Variants in LRRC38 observed in about 807,000 individuals in gnomAD.
LRRC38 encodes the protein leucine rich repeat containing 38.
Under a neutral mutation model 16.4 loss-of-function variants are expected in LRRC38, and 5 were observed. The ratio of observed to expected loss-of-function variants is 0.31; its 90% confidence interval spans 0.16 to 0.64. The LOEUF (loss-of-function observed/expected upper bound fraction) is 0.64, where lower values mean the gene tolerates loss of function less well. LRRC38 is among the 30% of genes least tolerant of loss of function. The pLI, the probability that LRRC38 is intolerant of heterozygous loss-of-function variation, is 0.80. For synonymous variants in LRRC38, 191 were observed against 190.2 expected (o/e 1.00, Z -0.04); for missense variants, 341 against 401.8 (o/e 0.85, Z 1.29).
In LRRC38 at chr1:13,486,253, G is replaced by A. The variant is rs59969114; in HGVS notation, c.632-10154C>T. Among the ~76,000 whole-genome samples the A allele has an allele frequency of 2.8e-3, 431 of 152,180 alleles. 2 individuals carry two copies. The highest frequency in any genetic ancestry group is 9.9e-3 in the African/African-American group (411 of 41,512). On this transcript the variant is annotated intron_variant, in intron 1 of 1. Transcript: ENST00000376085. ...CATACGGCCTCTGCTCTGTGTCTCC[G>A]TCTTGCAAGTCTCCCTCTGCCCTTC...
At chr1:13,500,186 C>G (rs1337788103) in intron 1 of LRRC38, among the ~76,000 whole-genome samples, 1 of 150,042 alleles carries the variant, frequency 6.7e-6, no homozygotes, top group African/African-American at 2.5e-5. Flanking sequence ...ACCCGGGAGG[C>G]AGAGATTGCA....
At chr1:13,506,803 C>T (rs1379813147) in intron 1 of LRRC38, among the ~76,000 whole-genome samples, 3 of 152,204 alleles carry the variant, frequency 2.0e-5, no homozygotes, top group Admixed American at 6.5e-5. Flanking sequence ...GCTGATAAGG[C>T]CGGCCAAGCA....
At chr1:13,503,628 A>T (rs1435375197) in intron 1 of LRRC38, among the ~76,000 whole-genome samples, 2 of 152,130 alleles carry the variant, frequency 1.3e-5, no homozygotes, top group African/African-American at 4.8e-5. Flanking sequence ...GCTTCTGCTA[A>T]CCTCACCCAG....
At chr1:13,488,275 T>A (rs556624677) in intron 1 of LRRC38, among the ~76,000 whole-genome samples, 1 of 151,876 alleles carries the variant, frequency 6.6e-6, no homozygotes, top group Non-Finnish European at 1.5e-5. Flanking sequence ...ACTTTTTTTT[T>A]TTTTTTTGTC....
At chr1:13,485,191 C>T (rs889638054) in intron 1 of LRRC38, among the ~76,000 whole-genome samples, 14 of 149,910 alleles carry the variant, frequency 9.3e-5, no homozygotes, top group Admixed American at 4.7e-4. Context: ...GCAGGAGAAT[C>T]GCTTGAACCC....
chr1:13,513,595 G>T lies in LRRC38; in HGVS notation c.-2C>A. 6 of 1,130,270 alleles carry T rather than the reference G, an allele frequency of 5.3e-6. No individual in the cohort carries two copies. Among genetic ancestry groups the T allele is most frequent in the Non-Finnish European group, 6.5e-6 (6 of 924,032 alleles). 70.0% of individuals were successfully genotyped at this position (1,130,270 alleles called of 1,614,324 possible). A position where few individuals can be genotyped will look rare whatever the true frequency, so the allele number is the denominator to read the frequency against. On this transcript the variant is annotated 5_prime_UTR_variant, in exon 1 of 2. Transcript: ENST00000376085. ...GCAGGCTGGGGCTCGGGGGCGCATG[G>T]CCGGGGGGCCCGCGCCGGCCGCGGC...
chr1:13,489,796 A>G (rs1474436558), intron 1 of LRRC38, among the ~76,000 whole-genome samples: 1 of 152,166 alleles, frequency 6.6e-6, no homozygotes, highest in Non-Finnish European at 1.5e-5. Context: ...CATACAGGGA[A>G]AATTCCCAAT....
At chr1:13,510,187 C>T (rs958248070) in intron 1 of LRRC38, among the ~76,000 whole-genome samples, 5 of 152,140 alleles carry the variant, frequency 3.3e-5, no homozygotes, top group African/African-American at 1.2e-4. Context: ...TCAATTTCCT[C>T]CCCCGGAAGA....
chr1:13,496,712 T>C (rs532123092), intron 1 of LRRC38, among the ~76,000 whole-genome samples: 3 of 152,174 alleles, frequency 2.0e-5, no homozygotes, highest in South Asian at 4.2e-4. Flanking sequence ...GCTAAAACAC[T>C]GAACAGAACA....
chr1:13,509,429 G>A (rs1639250030), intron 1 of LRRC38, among the ~76,000 whole-genome samples: 2 of 152,070 alleles, frequency 1.3e-5, no homozygotes, highest in Non-Finnish European at 2.9e-5. Context: ...AGAGTCCAGT[G>A]ACCCCTACCA....
At chr1:13,511,174 A>G (rs186728038) in intron 1 of LRRC38, among the ~76,000 whole-genome samples, 1 of 152,172 alleles carries the variant, frequency 6.6e-6, no homozygotes, top group Admixed American at 6.5e-5. Flanking sequence ...CAGCAGGAGG[A>G]GGAACATTTC....
At chr1:13,481,788 C>CCTCTCTCTCCCTCTCT (rs1638871647) in intron 1 of LRRC38, among the ~76,000 whole-genome samples, 1 of 34,466 alleles carries the variant, frequency 2.9e-5, no homozygotes, top group African/African-American at 1.5e-4. Flanking sequence ...TCCCTCTCTC[C>CCTCTCTCTCCCTCTCT]CTCTCTCTCT....
At chr1:13,505,856 C>T (rs1212487496) in intron 1 of LRRC38, among the ~76,000 whole-genome samples, 1 of 148,854 alleles carries the variant, frequency 6.7e-6, no homozygotes, top group Non-Finnish European at 1.5e-5. Context: ...GGCACTTGGG[C>T]GTGTTCCGGG....
chr1:13,481,092 G>T (rs1638847949), intron 1 of LRRC38, among the ~76,000 whole-genome samples: 1 of 152,130 alleles, frequency 6.6e-6, no homozygotes, highest in South Asian at 2.1e-4. Context: ...GGTAACTAGG[G>T]TGTGGCTGTC....
chr1:13,483,991 GGA>G (rs1016380511), intron 1 of LRRC38, among the ~76,000 whole-genome samples: 1 of 151,994 alleles, frequency 6.6e-6, no homozygotes, highest in African/African-American at 2.4e-5. Flanking sequence ...ATGTGTGTGT[GGA>G]GAGAGATTTA....
chr1:13,512,778 C>T (rs1333733625), intron 1 of LRRC38, among the ~76,000 whole-genome samples, 185 bp downstream of exon 1: 2 of 152,150 alleles, frequency 1.3e-5, no homozygotes, highest in African/African-American at 4.8e-5. Context: ...GGTTCAGAAA[C>T]TCCAAAGAAT....
At chr1:13,500,825 C>T (rs374469785) in intron 1 of LRRC38, among the ~76,000 whole-genome samples, 13 of 151,902 alleles carry the variant, frequency 8.6e-5, no homozygotes, top group South Asian at 2.1e-4. Flanking sequence ...AGAAAGCATA[C>T]GAAAGAGAAA....
chr1:13,477,585 C>T (rs1299671798), intron 1 of LRRC38, among the ~76,000 whole-genome samples: 2 of 152,044 alleles, frequency 1.3e-5, no homozygotes, highest in Admixed American at 1.3e-4. Flanking sequence ...TGTCTATAAT[C>T]CCAACACCTT....
At chr1:13,485,186 A>T (rs1160292575) in intron 1 of LRRC38, among the ~76,000 whole-genome samples, 3 of 151,084 alleles carry the variant, frequency 2.0e-5, no homozygotes, top group Admixed American at 6.6e-5. Flanking sequence ...CTGAAGCAGG[A>T]GAATCGCTTG....
Sources: allele counts gnomAD v4.1 joint callset (sites outside exome capture counted in the v4.1 genomes callset), GRCh38; gene constraint gnomAD v4.1.1; transcripts MANE v1.5; gene names NCBI Gene and HGNC (gene_info 2026-07-23, HGNC 2026-07-21).